PLCZ1: variants seen among roughly 807,000 people sequenced by gnomAD.
PLCZ1 encodes 1-phosphatidylinositol 4,5-bisphosphate phosphodiesterase zeta-1.
Under a neutral mutation model 76.8 loss-of-function variants are expected in PLCZ1, and 64 were observed. That is an observed-to-expected ratio of 0.83 (90% confidence interval 0.68 to 1.03). The LOEUF is 1.03. Ranked by LOEUF, PLCZ1 falls within the 50% of genes least tolerant of loss-of-function variation. The probability of loss-of-function intolerance (pLI) is 0.00; values close to 1 mark genes in which losing one functional copy is unlikely to be tolerated. For missense variants in PLCZ1, 751 were observed against 713.7 expected, an observed-to-expected ratio of 1.05 and a Z score of -0.60; for synonymous variants, 248 against 230.8, an observed-to-expected ratio of 1.07 and a Z score of -0.68.
At chr12:18,663,604 T>G in the PLCZ1 span, among the ~76,000 whole-genome samples, 2 of 151,528 alleles carry the variant, frequency 1.3e-5, no homozygotes, top group Non-Finnish European at 2.9e-5. Context: ...TTAAAATATA[T>G]CCAGTACCTA....
At chr12:18,648,679 G>A in the PLCZ1 span, among the ~76,000 whole-genome samples, 1 of 151,994 alleles carries the variant, frequency 6.6e-6, no homozygotes, top group African/African-American at 2.4e-5. Context: ...ACTTGGTTAT[G>A]CCTGGACTCC....
At chr12:18,655,316 C>T in the PLCZ1 span, among the ~76,000 whole-genome samples, 2 of 152,058 alleles carry the variant, frequency 1.3e-5, no homozygotes, top group Non-Finnish European at 2.9e-5. Flanking sequence ...AAAGAGTTCC[C>T]AATGGCCAAA....
rs144836930 is a variant in PLCZ1, at chr12:18,734,290, T to C, written c.135+1931A>G. ...AATAGAAATGCAACACATTTTTACA[T>C]AGTAATTTTGTATCTTGCAACTTTA... On this transcript the variant is annotated intron_variant, in intron 3 of 14. Transcript: ENST00000266505. Among the ~76,000 whole-genome samples, 787 of 152,326 alleles carry C rather than the reference T, an allele frequency of 5.2e-3. 4 individuals are homozygous for C. The highest frequency in any genetic ancestry group is 0.018 in the African/African-American group (738 of 41,588).
rs116484006 is a variant in PLCZ1, at chr12:18,717,865, C to T, written c.569+1566G>A. ...ACATTATGATAATGCAAAGAAAATA[C>T]GCATTCAGTGGAAATCGCATTTCGA... On this transcript the variant is annotated intron_variant, in intron 5 of 14. Transcript: ENST00000266505. 7.2e-3 allele frequency among the ~76,000 whole-genome samples: 1,091 copies of T among 152,208 alleles called. 13 individuals carry two copies. Among genetic ancestry groups the T allele is most frequent in the African/African-American group, 0.025 (1,056 of 41,534 alleles).
intron 6 of PLCZ1, among the ~76,000 whole-genome samples, chr12:18,706,956 C>G (rs1453785510): frequency 1.3e-5 from 2 of 152,192 alleles, no homozygotes; most frequent in African/African-American, 4.8e-5. Flanking sequence ...GAAGAAGAAT[C>G]CTCCTTGCCT....
At chr12:18,727,462 C>G (rs1286767260) in intron 3 of PLCZ1, among the ~76,000 whole-genome samples, 1 of 152,082 alleles carries the variant, frequency 6.6e-6, no homozygotes, top group Non-Finnish European at 1.5e-5. Flanking sequence ...AAAAAGTGAT[C>G]CTGGAACTGA....
intron 14 of PLCZ1, chr12:18,683,569 A>G: frequency 1.4e-6 from 2 of 1,474,100 alleles, no homozygotes; most frequent in Admixed American, 4.1e-5. Context: ...GCGCTGCATG[A>G]TCCAAAATTA....
intron 12 of PLCZ1, among the ~76,000 whole-genome samples, chr12:18,688,959 A>C (rs988641617): frequency 6.6e-6 from 1 of 152,062 alleles, no homozygotes; most frequent in Non-Finnish European, 1.5e-5. Flanking sequence ...TAAAGGAATA[A>C]AGAAAGGAAA....
the PLCZ1 span, chr12:18,647,831 T>G: frequency 8.1e-7 from 1 of 1,227,940 alleles, no homozygotes; most frequent in African/African-American, 1.5e-5. Flanking sequence ...AGAGATGTAT[T>G]TAAGCATTTC....
downstream of PLCZ1, among the ~76,000 whole-genome samples, chr12:18,678,956 T>A (rs964632356): frequency 2.0e-5 from 3 of 152,046 alleles, no homozygotes; most frequent in African/African-American, 7.2e-5. Context: ...ACATTCCCAC[T>A]AGCAGTGATT....
At chr12:18,725,869 A>G (rs1281632406) in intron 3 of PLCZ1, among the ~76,000 whole-genome samples, 1 of 152,128 alleles carries the variant, frequency 6.6e-6, no homozygotes, top group Non-Finnish European at 1.5e-5. Flanking sequence ...CACCCACTCT[A>G]GAAATCTTCC....
At chr12:18,713,588 C>T (rs1276391436) in intron 5 of PLCZ1, 7 of 153,132 alleles carry the variant, frequency 4.6e-5, no homozygotes, top group African/African-American at 7.2e-5. Context: ...ATCCTTATCT[C>T]TCTAACCATT....
intron 6 of PLCZ1, 112 bp downstream of exon 6, chr12:18,712,730 C>T (rs1309154368): frequency 7.5e-7 from 1 of 1,333,024 alleles, no homozygotes; most frequent in Non-Finnish European, 1.1e-6. Context: ...GATCATAACC[C>T]ACAATTTGAA....
chr12:18,661,054 G>A, the PLCZ1 span, among the ~76,000 whole-genome samples: 1 of 152,074 alleles, frequency 6.6e-6, no homozygotes, highest in Non-Finnish European at 1.5e-5. Context: ...ATATATATGA[G>A]CAGTTAGAAG....
chr12:18,687,874 T>C (rs2137080477), intron 13 of PLCZ1, among the ~76,000 whole-genome samples: 1 of 152,142 alleles, frequency 6.6e-6, no homozygotes, highest in South Asian at 2.1e-4. Flanking sequence ...GAAGGTCAGG[T>C]ACATTTCTGT....
the PLCZ1 span, among the ~76,000 whole-genome samples, chr12:18,675,412 C>T: frequency 2.6e-5 from 4 of 152,172 alleles, no homozygotes; most frequent in Non-Finnish European, 4.4e-5. Context: ...TATTGATACA[C>T]TGCTGGTGGG....
chr12:18,689,746 T>C (rs1348884274), intron 12 of PLCZ1, among the ~76,000 whole-genome samples: 2 of 152,194 alleles, frequency 1.3e-5, no homozygotes, highest in Non-Finnish European at 2.9e-5. Flanking sequence ...TGAAAATAAC[T>C]GGCCTAGACC....
chr12:18,647,165 C>A, the PLCZ1 span, among the ~76,000 whole-genome samples: 1 of 151,520 alleles, frequency 6.6e-6, no homozygotes, highest in Admixed American at 6.6e-5. Flanking sequence ...ATAAAAGTAA[C>A]CACAGTATTA....
chr12:18,684,184 C>T lies in PLCZ1; in HGVS notation c.1687G>A (p.Ala563Thr). The T allele has an allele frequency of 6.2e-7, 1 of 1,612,226 alleles. No homozygotes were observed. Among genetic ancestry groups the T allele is most frequent in the Non-Finnish European group, 8.5e-7 (1 of 1,178,938 alleles). ...RFVVEGQGLI[A>T]GNEFLGQYTL... ...TATTGCCCAAGAAATTCATTTCCTG[C>T]TATTAAACCTTGACCTTCAACAACA... is the stretch of plus-strand genomic sequence containing the variant. Residue 563 changes from alanine to threonine, a missense_variant, in exon 14 of 15, where the codon GCA becomes ACA. Ala to Thr is a moderately conservative substitution (Grantham distance 58). Transcript: ENST00000266505.
Sources: allele counts gnomAD v4.1 joint callset (sites outside exome capture counted in the v4.1 genomes callset), GRCh38; gene constraint gnomAD v4.1.1; transcripts MANE v1.5; gene names NCBI Gene and HGNC (gene_info 2026-07-23, HGNC 2026-07-21).